GPR137C: variants seen among roughly 807,000 people sequenced by gnomAD.
The protein encoded by GPR137C is integral membrane protein GPR137C.
In GPR137C, 27 loss-of-function variants were observed where a neutral mutation model predicts 43.4. The observed-to-expected ratio is 0.62, with a 90% CI of 0.46 to 0.86. The LOEUF (loss-of-function observed/expected upper bound fraction) is 0.86, where lower values mean the gene tolerates loss of function less well. GPR137C is among the 40% of genes least tolerant of loss of function. The pLI is 0.00. For synonymous variants in GPR137C, 285 were observed against 226.9 expected (o/e 1.26, Z -2.30); for missense variants, 522 against 534.6 (o/e 0.98, Z 0.23).
At chr14:52,553,680 G>C in intron 1 of GPR137C, 89 bp downstream of exon 1, 1 of 672,268 alleles carries the variant, frequency 1.5e-6, no homozygotes, top group Non-Finnish European at 2.5e-6. Flanking sequence ...GGGGCGGGGG[G>C]TGGGCAGCGA....
chr14:52,619,844 TATTA>T (rs2039140372), intron 3 of GPR137C, among the ~76,000 whole-genome samples: 10 of 152,248 alleles, frequency 6.6e-5, no homozygotes, highest in Admixed American at 5.9e-4. Flanking sequence ...TTTTTAAATT[TATTA>T]ATTAATTCTA....
At chr14:52,554,844 A>T (rs1408401752) in intron 1 of GPR137C, among the ~76,000 whole-genome samples, 9 of 152,224 alleles carry the variant, frequency 5.9e-5, no homozygotes, top group Admixed American at 2.0e-4. Context: ...CACACTAAAA[A>T]CAATAGTTGA....
intron 3 of GPR137C, chr14:52,613,734 C>A: frequency 4.0e-6 from 1 of 252,584 alleles, no homozygotes; most frequent in Non-Finnish European, 8.1e-6. Context: ...TACCACATTT[C>A]TTTACCCATT....
At chr14:52,629,668 C>A (rs1424887634) in intron 3 of GPR137C, among the ~76,000 whole-genome samples, 2 of 152,062 alleles carry the variant, frequency 1.3e-5, no homozygotes, top group Non-Finnish European at 2.9e-5. Flanking sequence ...AGCAGGGGAG[C>A]ATTTGTGTTT....
intron 1 of GPR137C, among the ~76,000 whole-genome samples, chr14:52,572,960 A>G (rs2038494475): frequency 6.6e-6 from 1 of 152,086 alleles, no homozygotes; most frequent in African/African-American, 2.4e-5. Context: ...ATAATAGAGA[A>G]CTCCCATGTA....
chr14:52,568,694 G>A (rs879843018), intron 1 of GPR137C, among the ~76,000 whole-genome samples: 8 of 152,206 alleles, frequency 5.3e-5, no homozygotes, highest in African/African-American at 1.2e-4. Flanking sequence ...AGAACTGGGC[G>A]GAGCCAACCG....
intron 2 of GPR137C, among the ~76,000 whole-genome samples, chr14:52,599,654 G>A (rs1240172479): frequency 6.6e-6 from 1 of 152,006 alleles, no homozygotes; most frequent in Non-Finnish European, 1.5e-5. Flanking sequence ...GGCTGGTCTC[G>A]AACTCCTGGC....
intron 1 of GPR137C, among the ~76,000 whole-genome samples, chr14:52,569,656 A>C (rs2139456020): frequency 6.6e-6 from 1 of 152,002 alleles, no homozygotes; most frequent in Non-Finnish European, 1.5e-5. Context: ...CACAAGTATC[A>C]ATAGTCAAAT....
chr14:52,557,065 G>A (rs539179314), intron 1 of GPR137C, among the ~76,000 whole-genome samples: 1 of 152,080 alleles, frequency 6.6e-6, no homozygotes, highest in Non-Finnish European at 1.5e-5. Context: ...TAACATGCAA[G>A]TCAACTTACA....
At chr14:52,565,575 C>G (rs76221271) in intron 1 of GPR137C, among the ~76,000 whole-genome samples, 8,606 of 152,144 alleles carry the variant, frequency 0.057, 282 homozygotes, top group Middle Eastern at 0.075. Flanking sequence ...TTTTGCATAC[C>G]CTTCAACACC....
intron 1 of GPR137C, among the ~76,000 whole-genome samples, chr14:52,582,133 T>C (rs987674086): frequency 1.3e-5 from 2 of 152,208 alleles, no homozygotes; most frequent in Non-Finnish European, 2.9e-5. Context: ...GTAGATCCAG[T>C]GTCTGATAAG....
At chr14:52,588,523 G>A (rs1566612652) in intron 1 of GPR137C, among the ~76,000 whole-genome samples, 1 of 152,142 alleles carries the variant, frequency 6.6e-6, no homozygotes, top group Non-Finnish European at 1.5e-5. Context: ...TGAAGAGAAT[G>A]CAACATCATC....
At chr14:52,576,120 G>C (rs2038547392) in intron 1 of GPR137C, among the ~76,000 whole-genome samples, 1 of 152,178 alleles carries the variant, frequency 6.6e-6, no homozygotes, top group Non-Finnish European at 1.5e-5. Context: ...AAACTATTTG[G>C]AATGGCCCAA....
chr14:52,633,768 A>G lies in GPR137C; in HGVS notation c.994-60A>G, dbSNP rs2039320188. 8 of 1,518,484 alleles carry G rather than the reference A, an allele frequency of 5.3e-6. No homozygotes were observed. In the South Asian group the frequency reaches 8.1e-5, roughly 15 times the overall value. 94.1% of individuals were successfully genotyped at this position (1,518,484 alleles called of 1,614,324 possible). A position where few individuals can be genotyped will look rare whatever the true frequency, so the allele number is the denominator to read the frequency against. ...AAGACTAAAAATTATTATAGATTCT[A>G]GCCTCCTTTCTTAGTGGAAAAGTAA... On this transcript the variant is annotated intron_variant, in intron 5 of 6. Coordinates refer to ENST00000321662, the MANE Select transcript of GPR137C (RefSeq NM_001099652.2).
At chr14:52,609,584 CTT>C (rs2039017130) in intron 3 of GPR137C, among the ~76,000 whole-genome samples, 1 of 152,202 alleles carries the variant, frequency 6.6e-6, no homozygotes. Context: ...AACAGACTGA[CTT>C]GTGTTTCCTG....
chr14:52,574,500 G>C (rs2038521136), intron 1 of GPR137C, among the ~76,000 whole-genome samples: 1 of 152,034 alleles, frequency 6.6e-6, no homozygotes, highest in African/African-American at 2.4e-5. Flanking sequence ...TCTCATAGGT[G>C]GGAGTTGAAC....
intron 3 of GPR137C, among the ~76,000 whole-genome samples, chr14:52,616,555 A>G (rs2039101518): frequency 6.6e-6 from 1 of 152,120 alleles, no homozygotes; most frequent in Admixed American, 6.6e-5. Flanking sequence ...CAGCCTCCCA[A>G]AGTACTGCAG....
At chr14:52,576,198 C>T (rs1441676453) in intron 1 of GPR137C, among the ~76,000 whole-genome samples, 5 of 152,180 alleles carry the variant, frequency 3.3e-5, no homozygotes, top group Admixed American at 3.3e-4. Context: ...TGTTTAACTC[C>T]CACTTATAAG....
intron 3 of GPR137C, chr14:52,612,059 G>T (rs528891321): frequency 1.0e-6 from 1 of 985,124 alleles, no homozygotes; most frequent in East Asian, 1.1e-4. Flanking sequence ...TTATTTGTCT[G>T]TTAACTGGTT....
Sources: allele counts gnomAD v4.1 joint callset (sites outside exome capture counted in the v4.1 genomes callset), GRCh38; gene constraint gnomAD v4.1.1; transcripts MANE v1.5; gene names NCBI Gene and HGNC (gene_info 2026-07-23, HGNC 2026-07-21).